The following OLIG3 variants were observed in gnomAD, a reference collection of about 807,000 sequenced individuals.
OLIG3 encodes the protein class B basic helix-loop-helix protein 7.
OLIG3 carries 12 observed loss-of-function variants against 14.7 expected under a neutral mutation model. That is an observed-to-expected ratio of 0.82 (90% CI 0.52 to 1.32). The LOEUF is 1.32. OLIG3 is among the 40% of genes most tolerant of loss of function. The pLI, the probability that OLIG3 is intolerant of heterozygous loss-of-function variation, is 0.00. For missense variants in OLIG3, 405 were observed against 373.7 expected, an observed-to-expected ratio of 1.08 and a Z score of -0.69; for synonymous variants, 192 against 171.4, an observed-to-expected ratio of 1.12 and a Z score of -0.94.
In OLIG3 at chr6:137,493,249, C is replaced by T. The variant is rs1783144930; in HGVS notation, c.*103G>A. On this transcript the variant is annotated 3_prime_UTR_variant, in exon 1 of 1. Transcript: ENST00000367734. The surrounding 1 kb of genome is among the most constrained non-coding windows in gnomAD (Gnocchi z 6.1). Reference sequence around the variant, plus strand: ...GAGGCTGCGGGCCCCGGAGCCTGCCCTCCCGTGGGCCGAGCGTGCAGCCTC... The same window carrying T: ...GAGGCTGCGGGCCCCGGAGCCTGCCTTCCCGTGGGCCGAGCGTGCAGCCTC... 5.2e-6 allele frequency: 5 copies of T among 954,738 alleles called. No individual in the cohort carries two copies. The highest frequency in any genetic ancestry group is 3.4e-4 in the Middle Eastern group (1 of 2,968). The allele number at this position is 954,738 out of a possible 1,614,324, so 59.1% of individuals were successfully genotyped here. A position where few individuals can be genotyped will look rare whatever the true frequency, so the allele number is the denominator to read the frequency against.
chr6:137,494,239 A>T lies in OLIG3; in HGVS notation c.-69T>A, dbSNP rs546485313. 1.1e-4 allele frequency: 65 copies of T among 575,446 alleles called. No individual in the cohort carries two copies. The South Asian group carries it at 2.7e-3, about 24-fold the overall frequency. 35.6% of individuals were successfully genotyped at this position (575,446 alleles called of 1,614,324 possible). A position where few individuals can be genotyped will look rare whatever the true frequency, so the allele number is the denominator to read the frequency against. On this transcript the variant is annotated 5_prime_UTR_variant, in exon 1 of 1. Coordinates refer to ENST00000367734, the MANE Select transcript of OLIG3 (RefSeq NM_175747.2). ...GGGAAATTAAAGAAAATCTTGAATT[A>T]AAAAAAAAAAATCTGCACTGCCCAG...
Position 137,493,193 on chromosome 6 carries a change from A to G in OLIG3, c.*159T>C, listed in dbSNP as rs1783144048. ...TTTGGTCCTTTCCCTCCGGGGGTCA[A>G]GTGGAGTCTGAGATCTCTCAGACAG... On this transcript the variant is annotated 3_prime_UTR_variant, in exon 1 of 1. Coordinates refer to ENST00000367734, the MANE Select transcript of OLIG3 (RefSeq NM_175747.2). The surrounding 1 kb of genome is among the most constrained non-coding windows in gnomAD (Gnocchi z 6.1). The G allele has an allele frequency of 1.7e-6, 1 of 584,298 alleles. No homozygotes were observed. Among genetic ancestry groups the G allele is most frequent in the Non-Finnish European group, 2.8e-6 (1 of 354,392 alleles). The allele number at this position is 584,298 out of a possible 1,614,324, so 36.2% of individuals were successfully genotyped here.
chr6:137,493,768 G>A lies in OLIG3; in HGVS notation c.403C>T (p.Leu135Phe), dbSNP rs202081635. Reference protein sequence around the residue: ...ATLLLARNYILMLTSSLEEMK... With the variant: ...ATLLLARNYIFMLTSSLEEMK... ...TCCTCCAGGGAGCTGGTGAGCATGA[G>A]GATGTAGTTTCTGGCGAGCAGGAGT... is the stretch of plus-strand genomic sequence containing the variant. Residue 135 changes from leucine to phenylalanine, a missense_variant, in exon 1 of 1, where the codon CTC (leucine) becomes TTC (phenylalanine). Physicochemically the swap from Leu to Phe is conservative, Grantham distance 22. This residue lies in a region of OLIG3 where 10 missense variants were observed against 29.7 expected (regional missense o/e 0.34). Coordinates refer to ENST00000367734, the MANE Select transcript of OLIG3 (RefSeq NM_175747.2). This position sits in a 1 kb window ranked among gnomAD's most constrained non-coding sequence, Gnocchi z 6.1. 6 of 1,614,078 alleles carry A rather than the reference G, an allele frequency of 3.7e-6. No individual in the cohort carries two copies. The highest frequency in any genetic ancestry group is 5.1e-6 in the Non-Finnish European group (6 of 1,180,060).
At position 137,493,464 on chromosome 6, in the gene OLIG3, C is replaced by A. The variant is rs552686088; in HGVS notation, c.707G>T (p.Gly236Val). Residue 236 changes from glycine to valine, a missense_variant, in exon 1 of 1, where the codon GGT becomes GTT. Gly to Val is a moderately radical substitution (Grantham distance 109). Coordinates refer to ENST00000367734, the MANE Select transcript of OLIG3 (RefSeq NM_175747.2). This position sits in a 1 kb window ranked among gnomAD's most constrained non-coding sequence, Gnocchi z 6.1. ...QLGSGFQHWA[G>V]LPCPCTICQM... is the part of the protein sequence containing the mutation. ...GCAGATGGTGCAGGGGCAGGGCAGA[C>A]CAGCCCAGTGCTGGAAGCCGCTGCC... 5 of 1,579,504 alleles carry A rather than the reference C, an allele frequency of 3.2e-6. No homozygotes were observed. Among genetic ancestry groups the A allele is most frequent in the Non-Finnish European group, 4.3e-6 (5 of 1,168,018 alleles).
chr6:137,494,205 G>C lies in OLIG3; in HGVS notation c.-35C>G. Reference sequence around the variant, plus strand: ...GGGGATGCGGCCCTACCGTGGGGAGGCTTTAGGCGGGAAATTAAAGAAAAT... The same window carrying C: ...GGGGATGCGGCCCTACCGTGGGGAGCCTTTAGGCGGGAAATTAAAGAAAAT... On this transcript the variant is annotated 5_prime_UTR_variant, in exon 1 of 1. Transcript: ENST00000367734. 6.6e-7 allele frequency: 1 copy of C among 1,521,372 alleles called. No individual in the cohort carries two copies. Among genetic ancestry groups the C allele is most frequent in the Middle Eastern group, 1.8e-4 (1 of 5,420 alleles). 94.2% of individuals were successfully genotyped at this position (1,521,372 alleles called of 1,614,324 possible). A position where few individuals can be genotyped will look rare whatever the true frequency, so the allele number is the denominator to read the frequency against.
At position 137,493,506 on chromosome 6, in the gene OLIG3, G is replaced by A; in HGVS notation, c.665C>T (p.Pro222Leu). Residue 222 changes from proline to leucine, a missense_variant, in exon 1 of 1, where the codon CCG (proline) becomes CTG (leucine). Physicochemically the swap from Pro to Leu is moderately conservative, Grantham distance 98 (BLOSUM62 -3). This residue lies in a region of OLIG3 where 230 missense variants were observed against 178.5 expected (regional missense o/e 1.29). Transcript: ENST00000367734. This position sits in a 1 kb window ranked among gnomAD's most constrained non-coding sequence, Gnocchi z 6.1. ...PHSLLKAPST[P>L]PALQLGSGFQ... ...GCCGCTGCCCAGCTGCAGCGCGGGCGGCGTGGAGGGCGCCTTGAGTAGCGA... is the reference window on the plus strand; with the variant it reads ...GCCGCTGCCCAGCTGCAGCGCGGGCAGCGTGGAGGGCGCCTTGAGTAGCGA... 2 of 1,571,872 alleles carry A rather than the reference G, an allele frequency of 1.3e-6. No homozygotes were observed. The highest frequency in any genetic ancestry group is 1.7e-6 in the Non-Finnish European group (2 of 1,162,170).
chr6:137,494,003 G>A lies in OLIG3; in HGVS notation c.168C>T (p.Leu56=), dbSNP rs1207738065. Residue 56 remains leucine, a synonymous_variant, in exon 1 of 1, where the codon CTC becomes CTT. Coordinates refer to ENST00000367734, the MANE Select transcript of OLIG3 (RefSeq NM_175747.2). ...CCGCGGCCTTGGCGCCAGCCCGCGA[G>A]AGGCTTTCCCCGGGCATCTTCTGCA... ...DMMQKMPGES[L]SRAGAKAAGE... is the part of the protein sequence containing the mutation. 2 of 1,613,430 alleles carry A rather than the reference G, an allele frequency of 1.2e-6. No individual in the cohort carries two copies. The highest frequency in any genetic ancestry group is 2.2e-5 in the East Asian group (1 of 44,876).
At position 137,493,160 on chromosome 6, in the gene OLIG3, G is replaced by A. The variant is rs2114737856; in HGVS notation, c.*192C>T. The A allele has an allele frequency of 3.8e-6, 2 of 530,124 alleles. No individual in the cohort carries two copies. Among genetic ancestry groups the A allele is most frequent in the Non-Finnish European group, 6.5e-6 (2 of 305,498 alleles). 32.8% of individuals were successfully genotyped at this position (530,124 alleles called of 1,614,324 possible). Reference sequence around the variant, plus strand: ...CCCTTTGCTACCACCTAGAAATTGCGGTTTGATTTTGGTCCTTTCCCTCCG... The same window carrying A: ...CCCTTTGCTACCACCTAGAAATTGCAGTTTGATTTTGGTCCTTTCCCTCCG... On this transcript the variant is annotated 3_prime_UTR_variant, in exon 1 of 1. Transcript: ENST00000367734. The surrounding 1 kb of genome is among the most constrained non-coding windows in gnomAD (Gnocchi z 6.1).
At position 137,493,384 on chromosome 6, in the gene OLIG3, G is replaced by T; in HGVS notation, c.787C>A (p.Leu263Met). ...SALSTANMAR[L>M]SAESKDLLK ...AGCAAGTCCTTGGACTCGGCCGACAGCCGGGCCATGTTGGCTGTGGAGAGA... is the reference window on the plus strand; with the variant it reads ...AGCAAGTCCTTGGACTCGGCCGACATCCGGGCCATGTTGGCTGTGGAGAGA... Residue 263 changes from leucine (L) to methionine (M), a missense_variant, in exon 1 of 1, where the codon CTG becomes ATG. By Grantham distance (15) the Leu-to-Met change is conservative. Around this residue, in one of 3 missense-constraint regions of OLIG3, gnomAD observed 230 missense variants for 178.5 expected, o/e 1.29. Transcript: ENST00000367734. This position sits in a 1 kb window ranked among gnomAD's most constrained non-coding sequence, Gnocchi z 6.1. The T allele has an allele frequency of 6.3e-7, 1 of 1,592,918 alleles. No individual in the cohort carries two copies.
At position 137,493,286 on chromosome 6, in the gene OLIG3, C is replaced by T; in HGVS notation, c.*66G>A. On this transcript the variant is annotated 3_prime_UTR_variant, in exon 1 of 1. Coordinates refer to ENST00000367734, the MANE Select transcript of OLIG3 (RefSeq NM_175747.2). The surrounding 1 kb of genome is among the most constrained non-coding windows in gnomAD (Gnocchi z 6.1). ...GAGCGTGCAGCCTCCCTCTTCCCTCCCGGCCCGGCACCGCGGCCCCTCCCG... is the reference window on the plus strand; with the variant it reads ...GAGCGTGCAGCCTCCCTCTTCCCTCTCGGCCCGGCACCGCGGCCCCTCCCG... The T allele has an allele frequency of 3.0e-6, 4 of 1,350,570 alleles. No homozygotes were observed. Among genetic ancestry groups the T allele is most frequent in the South Asian group, 1.5e-5 (1 of 66,350 alleles). The allele number at this position is 1,350,570 out of a possible 1,614,324, so 83.7% of individuals were successfully genotyped here.
rs774692106 is a variant in OLIG3, at chr6:137,493,334, G to A, written c.*18C>T. On this transcript the variant is annotated 3_prime_UTR_variant, in exon 1 of 1. Transcript: ENST00000367734. This position sits in a 1 kb window ranked among gnomAD's most constrained non-coding sequence, Gnocchi z 6.1. ...CCGCCGCTCTCCCTCCTCCTTGGCAGCCGGGCCCGCCCGCTGCTCACTTGA... is the reference window on the plus strand; with the variant it reads ...CCGCCGCTCTCCCTCCTCCTTGGCAACCGGGCCCGCCCGCTGCTCACTTGA... 37 of 1,527,802 alleles carry A rather than the reference G, an allele frequency of 2.4e-5. No individual in the cohort carries two copies. The highest frequency in any genetic ancestry group is 2.9e-5 in the Non-Finnish European group (33 of 1,148,482). The allele number at this position is 1,527,802 out of a possible 1,614,324, so 94.6% of individuals were successfully genotyped here.
At position 137,493,040 on chromosome 6, in the gene OLIG3, G is replaced by A. The variant is rs1033932402; in HGVS notation, c.*312C>T. ...CCGATCCCATCTTTATACAACAAAT[G>A]CAGTTTTGACAAGAGCATATGGCAG... On this transcript the variant is annotated 3_prime_UTR_variant, in exon 1 of 1. Transcript: ENST00000367734. This position sits in a 1 kb window ranked among gnomAD's most constrained non-coding sequence, Gnocchi z 6.1. The A allele has an allele frequency of 6.0e-6, 2 of 332,022 alleles. No homozygotes were observed. Among genetic ancestry groups the A allele is most frequent in the East Asian group, 6.2e-5 (1 of 16,160 alleles). The allele number at this position is 332,022 out of a possible 1,614,324, so 20.6% of individuals were successfully genotyped here.
At position 137,493,700 on chromosome 6, in the gene OLIG3, C is replaced by T; in HGVS notation, c.471G>A (p.Ser157=). The change falls in exon 1 of 1, where the codon TCG becomes TCA. Residue 157 remains serine, a synonymous_variant. Transcript: ENST00000367734. The surrounding 1 kb of genome is among the most constrained non-coding windows in gnomAD (Gnocchi z 6.1). ...LVGEIYGGHH[S]AFHCGTVGHS... is the part of the protein sequence containing the mutation. Reference sequence around the variant, plus strand: ...GGCCCACGGTCCCGCAGTGAAAGGCCGAGTGGTGGCCCCCATAGATCTCGC... The same window carrying T: ...GGCCCACGGTCCCGCAGTGAAAGGCTGAGTGGTGGCCCCCATAGATCTCGC... The T allele has an allele frequency of 6.2e-7, 1 of 1,612,726 alleles. No individual in the cohort carries two copies.
Position 137,493,408 on chromosome 6 carries a change from G to C in OLIG3, c.763C>G (p.Leu255Val), listed in dbSNP as rs1335627988. 1.6e-5 allele frequency: 25 copies of C among 1,594,212 alleles called. No individual in the cohort carries two copies. The highest frequency in any genetic ancestry group is 2.2e-5 in the East Asian group (1 of 44,556). The change falls in exon 1 of 1, where the codon CTC becomes GTC. Residue 255 changes from leucine to valine, a missense_variant. Leu to Val is a conservative substitution (Grantham distance 32). Around this residue, in one of 3 missense-constraint regions of OLIG3, gnomAD observed 230 missense variants for 178.5 expected, o/e 1.29. Coordinates refer to ENST00000367734, the MANE Select transcript of OLIG3 (RefSeq NM_175747.2). The surrounding 1 kb of genome is among the most constrained non-coding windows in gnomAD (Gnocchi z 6.1). ...QMPPPPHLSA[L>V]STANMARLSA... is the part of the protein sequence containing the mutation. ...AGCCGGGCCATGTTGGCTGTGGAGA[G>C]AGCGGACAGGTGCGGCGGCGGCGGC... is the stretch of plus-strand genomic sequence containing the variant.
At position 137,493,701 on chromosome 6, in the gene OLIG3, G is replaced by A. The variant is rs201136927; in HGVS notation, c.470C>T (p.Ser157Leu). ...LVGEIYGGHH[S>L]AFHCGTVGHS... Reference sequence around the variant, plus strand: ...GCCCACGGTCCCGCAGTGAAAGGCCGAGTGGTGGCCCCCATAGATCTCGCC... The same window carrying A: ...GCCCACGGTCCCGCAGTGAAAGGCCAAGTGGTGGCCCCCATAGATCTCGCC... Residue 157 changes from serine to leucine, a missense_variant, in exon 1 of 1, where the codon TCG becomes TTG. Transcript: ENST00000367734. This position sits in a 1 kb window ranked among gnomAD's most constrained non-coding sequence, Gnocchi z 6.1. 16 of 1,612,810 alleles carry A rather than the reference G, an allele frequency of 9.9e-6. No homozygotes were observed. The highest frequency in any genetic ancestry group is 1.3e-5 in the African/African-American group (1 of 75,080).
In OLIG3 at chr6:137,493,588, A is replaced by C; in HGVS notation, c.583T>G (p.Ser195Ala). Residue 195 changes from serine (S) to alanine (A), a missense_variant, in exon 1 of 1, where the codon TCG becomes GCG. Coordinates refer to ENST00000367734, the MANE Select transcript of OLIG3 (RefSeq NM_175747.2). The surrounding 1 kb of genome is among the most constrained non-coding windows in gnomAD (Gnocchi z 6.1). ...AGTGAGGCGGCGGACAGCGGTGACG[A>C]GGCGTTGCCAGATGAGAGCGCGCCG... ...LGGALSSGNA[S>A]SPLSAASLPA... 2 of 1,598,004 alleles carry C rather than the reference A, an allele frequency of 1.3e-6. No homozygotes were observed. The highest frequency in any genetic ancestry group is 1.7e-6 in the Non-Finnish European group (2 of 1,174,288).
rs1299200543 is a variant in OLIG3, at chr6:137,492,379, T to G, written c.*973A>C. 1.3e-5 allele frequency: 2 copies of G among 152,670 alleles called. No homozygotes were observed. The highest frequency in any genetic ancestry group is 2.1e-4 in the South Asian group (1 of 4,820). The allele number at this position is 152,670 out of a possible 1,614,324, so 9.5% of individuals were successfully genotyped here. ...AACGGCACCCCTCCCAAAACCAGGA[T>G]AAGTTTTCAAAGCTGATAATAGAGA... On this transcript the variant is annotated 3_prime_UTR_variant, in exon 1 of 1. Transcript: ENST00000367734.
At position 137,493,590 on chromosome 6, in the gene OLIG3, G is replaced by T; in HGVS notation, c.581C>A (p.Ala194Asp). 6.3e-7 allele frequency: 1 copy of T among 1,598,940 alleles called. No individual in the cohort carries two copies. The highest frequency in any genetic ancestry group is 1.1e-5 in the South Asian group (1 of 89,700). Reference protein sequence around the residue: ...ILGGALSSGNASSPLSAASLP... With the variant: ...ILGGALSSGNDSSPLSAASLP... Reference sequence around the variant, plus strand: ...TGAGGCGGCGGACAGCGGTGACGAGGCGTTGCCAGATGAGAGCGCGCCGCC... The same window carrying T: ...TGAGGCGGCGGACAGCGGTGACGAGTCGTTGCCAGATGAGAGCGCGCCGCC... Residue 194 changes from alanine (A) to aspartate (D), a missense_variant, in exon 1 of 1, where the codon GCC becomes GAC. Coordinates refer to ENST00000367734, the MANE Select transcript of OLIG3 (RefSeq NM_175747.2). This position sits in a 1 kb window ranked among gnomAD's most constrained non-coding sequence, Gnocchi z 6.1.
chr6:137,493,145 C>T lies in OLIG3; in HGVS notation c.*207G>A. 1.9e-6 allele frequency: 1 copy of T among 533,060 alleles called. No individual in the cohort carries two copies. The highest frequency in any genetic ancestry group is 2.6e-5 in the South Asian group (1 of 38,800). 33.0% of individuals were successfully genotyped at this position (533,060 alleles called of 1,614,324 possible). A position where few individuals can be genotyped will look rare whatever the true frequency, so the allele number is the denominator to read the frequency against. On this transcript the variant is annotated 3_prime_UTR_variant, in exon 1 of 1. Coordinates refer to ENST00000367734, the MANE Select transcript of OLIG3 (RefSeq NM_175747.2). The surrounding 1 kb of genome is among the most constrained non-coding windows in gnomAD (Gnocchi z 6.1). ...ATCTGGTTCGAGTCCCCCTTTGCTA[C>T]CACCTAGAAATTGCGGTTTGATTTT...
Sources: allele counts gnomAD v4.1 joint callset, GRCh38; gene constraint gnomAD v4.1.1; regional missense constraint gnomAD v4.1.1; non-coding constraint Gnocchi (gnomAD v3.1); transcripts MANE v1.5; gene names NCBI Gene and HGNC (gene_info 2026-07-23, HGNC 2026-07-21).